MAD1L1: variants seen among roughly 807,000 people sequenced by gnomAD.
The protein encoded by MAD1L1 is mitotic spindle assembly checkpoint protein MAD1.
In MAD1L1, 95 loss-of-function variants were observed where a neutral mutation model predicts 96.9. The ratio of observed to expected loss-of-function variants is 0.98; its 90% CI spans 0.83 to 1.16. The LOEUF is 1.16. MAD1L1 is among the 50% of genes most tolerant of loss of function. The pLI is 0.00. For synonymous variants in MAD1L1, 473 were observed against 396.6 expected, an observed-to-expected ratio of 1.19 and a Z score of -2.29; for missense variants, 1,007 against 954.4, an observed-to-expected ratio of 1.06 and a Z score of -0.73.
rs558946261 is a variant in MAD1L1 at position 2,119,007 on chromosome 7, G to A, written c.1073+30145C>T. Among the ~76,000 whole-genome samples, 6 of 151,992 alleles carry A rather than the reference G, an allele frequency of 3.9e-5. No individual in the cohort carries two copies. In the South Asian group the frequency reaches 1.0e-3, roughly 26 times the overall value. ...TCCACACGCCCAGCTGCCTGGGCTC[G>A]CCCCAGCCTCCAGCCCCACGTGACG... On this transcript the variant is annotated intron_variant, in intron 11 of 18. Coordinates refer to ENST00000265854, the MANE Select transcript of MAD1L1 (RefSeq NM_001013836.2). The surrounding 1 kb of genome is among the most constrained non-coding windows in gnomAD (Gnocchi z 4.6).
At chr7:1,855,227 G>A (rs1171420119) in intron 18 of MAD1L1, among the ~76,000 whole-genome samples, 5 of 152,026 alleles carry the variant, frequency 3.3e-5, no homozygotes, top group South Asian at 4.2e-4. Flanking sequence ...TGTCTCTGCC[G>A]CAGTGGCAGA....
intron 15 of MAD1L1, among the ~76,000 whole-genome samples, chr7:1,970,330 A>ATT (rs1780347780): frequency 7.2e-6 from 1 of 138,666 alleles, no homozygotes; most frequent in East Asian, 2.1e-4. Context: ...TTTAATTTTT[A>ATT]CTTTTTTTTT....
Position 2,216,140 on chromosome 7 carries a change from C to A in MAD1L1, c.809+17G>T. 7 of 1,610,616 alleles carry A rather than the reference C, an allele frequency of 4.3e-6. No individual in the cohort carries two copies. Among genetic ancestry groups the A allele is most frequent in the Non-Finnish European group, 5.9e-6 (7 of 1,179,030 alleles). On this transcript the variant is annotated intron_variant, in intron 8 of 18. Coordinates refer to ENST00000265854, the MANE Select transcript of MAD1L1 (RefSeq NM_001013836.2). ...GACTCACTCGAGGCGGCTGCCCCAT[C>A]CCCCGCAACCCCTCACCGCAGGTGC... is the stretch of plus-strand genomic sequence containing the variant.
chr7:1,905,173 T>C (rs376025479), intron 17 of MAD1L1, among the ~76,000 whole-genome samples: 4,469 of 31,842 alleles, frequency 0.14, 702 homozygotes, highest in African/African-American at 0.31. Flanking sequence ...TTCCAGGCAG[T>C]GAGGACGCAG....
chr7:2,079,307 CTCTA>C (rs1785524323), intron 11 of MAD1L1, among the ~76,000 whole-genome samples: 1 of 152,210 alleles, frequency 6.6e-6, no homozygotes, highest in East Asian at 1.9e-4. Flanking sequence ...TTGTTATTTA[CTCTA>C]TCTAATCCCA....
rs565917356 is a variant in MAD1L1, at chr7:2,124,621, C to G, written c.1073+24531G>C. On this transcript the variant is annotated intron_variant, in intron 11 of 18. Coordinates refer to ENST00000265854, the MANE Select transcript of MAD1L1 (RefSeq NM_001013836.2). ...GAGAGGAGGTCACGAAGCCCCCGCT[C>G]TGAGCTCGGCAAGGAGCGTATGGGG... 8.1e-4 allele frequency among the ~76,000 whole-genome samples: 124 copies of G among 152,294 alleles called. 1 individual carries two copies. The highest frequency in any genetic ancestry group is 2.8e-3 in the African/African-American group (118 of 41,562).
intron 18 of MAD1L1, among the ~76,000 whole-genome samples, chr7:1,891,018 G>A (rs543659724): frequency 7.2e-5 from 11 of 152,306 alleles, no homozygotes; most frequent in East Asian, 5.8e-4. Flanking sequence ...GCCAGAAAGC[G>A]GGCTCTGCGC....
intron 11 of MAD1L1, among the ~76,000 whole-genome samples, chr7:2,099,182 AACACTGGTGACCAG>A (rs1786650174): frequency 6.6e-6 from 1 of 152,204 alleles, no homozygotes; most frequent in Admixed American, 6.5e-5. Context: ...ACGCACCGCT[AACACTGGTGACCAG>A]ACTCCACCCC....
chr7:2,155,409 C>G (rs1211989297), intron 10 of MAD1L1, among the ~76,000 whole-genome samples: 2 of 152,232 alleles, frequency 1.3e-5, no homozygotes, highest in Admixed American at 6.5e-5. Flanking sequence ...AGCACCACAC[C>G]TATCCCCAGA....
At chr7:1,840,735 A>G (rs1259225704) in intron 18 of MAD1L1, among the ~76,000 whole-genome samples, 1 of 152,224 alleles carries the variant, frequency 6.6e-6, no homozygotes, top group East Asian at 1.9e-4. Context: ...TCTGACAACA[A>G]AACAAAACAA....
chr7:2,025,185 C>A (rs995104978), intron 12 of MAD1L1, among the ~76,000 whole-genome samples: 1 of 152,216 alleles, frequency 6.6e-6, no homozygotes, highest in Admixed American at 6.5e-5. Flanking sequence ...AAACCTTAAA[C>A]TCTCCCGAAA....
chr7:1,868,014 C>G (rs1784861591), intron 18 of MAD1L1, among the ~76,000 whole-genome samples: 1 of 152,198 alleles, frequency 6.6e-6, no homozygotes, highest in South Asian at 2.1e-4. Flanking sequence ...GTGCCCTGCC[C>G]TGCCCCACAT....
chr7:1,977,981 C>A (rs1780723306), intron 15 of MAD1L1, among the ~76,000 whole-genome samples: 1 of 152,258 alleles, frequency 6.6e-6, no homozygotes, highest in East Asian at 1.9e-4. Context: ...TGGAGACCAC[C>A]CTGCCTCGCG....
chr7:2,139,428 C>G (rs1274580829), intron 11 of MAD1L1, among the ~76,000 whole-genome samples: 1 of 152,190 alleles, frequency 6.6e-6, no homozygotes, highest in Non-Finnish European at 1.5e-5. Flanking sequence ...GTGAAGGTGA[C>G]TCCCCCAGCC....
intron 17 of MAD1L1, among the ~76,000 whole-genome samples, chr7:1,902,378 G>A (rs1358624519): frequency 2.0e-5 from 3 of 152,218 alleles, no homozygotes; most frequent in Non-Finnish European, 4.4e-5. Flanking sequence ...TACCTTGGCA[G>A]GGCAGGGAGA....
intron 12 of MAD1L1, among the ~76,000 whole-genome samples, chr7:2,055,955 A>T (rs1251166848): frequency 6.6e-6 from 1 of 152,198 alleles, no homozygotes; most frequent in Non-Finnish European, 1.5e-5. Flanking sequence ...CTCCAGCCTG[A>T]GTGACAGGGC....
chr7:1,868,750 G>C (rs1784900324), intron 18 of MAD1L1, among the ~76,000 whole-genome samples: 1 of 152,230 alleles, frequency 6.6e-6, no homozygotes, highest in African/African-American at 2.4e-5. Context: ...GCACCAAGGG[G>C]CCAACAGGAC....
At chr7:2,135,917 G>A (rs145435324) in intron 11 of MAD1L1, among the ~76,000 whole-genome samples, 116 of 152,286 alleles carry the variant, frequency 7.6e-4, no homozygotes, top group African/African-American at 2.5e-3. Context: ...TTTGGGAAGC[G>A]TGGCCATGAT....
intron 10 of MAD1L1, among the ~76,000 whole-genome samples, chr7:2,158,803 G>A (rs1789963865): frequency 6.6e-6 from 1 of 150,972 alleles, no homozygotes; most frequent in African/African-American, 2.5e-5. Flanking sequence ...GGGGACTAAT[G>A]CCATGCTGTG....
Sources: gnomAD v4.1 joint callset for allele counts (sites outside exome capture counted in the v4.1 genomes callset) on GRCh38, gnomAD v4.1.1 for gene constraint, Gnocchi (gnomAD v3.1) non-coding constraint, MANE v1.5 for transcripts, NCBI Gene and HGNC (gene_info 2026-07-23, HGNC 2026-07-21) for gene names.